TRPM5: variants seen among roughly 807,000 people sequenced by gnomAD.
TRPM5 encodes transient receptor potential cation channel subfamily M member 5, also known as MLSN1 and TRP-related.
In TRPM5, 121 loss-of-function variants were observed where a neutral mutation model predicts 124.9. The ratio of observed to expected loss-of-function variants is 0.97; its 90% CI spans 0.84 to 1.13. The LOEUF (loss-of-function observed/expected upper bound fraction) is 1.13, where lower values mean the gene tolerates loss of function less well. TRPM5 is among the 50% of genes most tolerant of loss of function. The pLI is 0.00. For missense variants in TRPM5, 1,643 were observed against 1,589.1 expected, an observed-to-expected ratio of 1.03 and a Z score of -0.58; for synonymous variants, 781 against 700.5, an observed-to-expected ratio of 1.11 and a Z score of -1.81.
the TRPM5 span, among the ~76,000 whole-genome samples, chr11:2,438,087 A>G: frequency 6.6e-6 from 1 of 152,228 alleles, no homozygotes; most frequent in African/African-American, 2.4e-5. This position sits in a 1 kb window ranked among gnomAD's most constrained non-coding sequence, Gnocchi z 5.9. Context: ...AAAAAACCAT[A>G]TGGTCCTCTC....
exon 15 of TRPM5, chr11:2,412,777 G>C: frequency 1.2e-6 from 2 of 1,605,534 alleles, no homozygotes; most frequent in Non-Finnish European, 1.7e-6. Flanking sequence ...TCCAGCACCA[G>C]CGTAAAGACC....
the TRPM5 span, among the ~76,000 whole-genome samples, chr11:2,432,631 C>G: frequency 1.3e-3 from 201 of 152,378 alleles, no homozygotes; most frequent in African/African-American, 4.7e-3. Flanking sequence ...AGCCTCCCCC[C>G]AGGCACATCC....
chr11:2,409,320 G>T (rs890622817), intron 18 of TRPM5, among the ~76,000 whole-genome samples: 1 of 152,144 alleles, frequency 6.6e-6, no homozygotes, highest in Admixed American at 6.5e-5. Flanking sequence ...GCGGGCCGGG[G>T]CCAGCCTGGA....
intron 11 of TRPM5, 126 bp downstream of exon 16, chr11:2,414,589 C>T (rs1850525685): frequency 8.2e-6 from 11 of 1,338,310 alleles, no homozygotes; most frequent in Non-Finnish European, 1.1e-5. Context: ...TGGAGGAGGC[C>T]CCTGAGGGCA....
In TRPM5 at chr11:2,415,294, G is replaced by C. The variant is rs1171145622; in HGVS notation, c.1306C>G (p.Gln436Glu). ...GCCAGCGTCAGCCGGGCCTCCTCCT[G>C]CTTCCGCTGCAGCAGGTCGAAGAGC... The change falls in exon 9 of 24, where the codon CAG becomes GAG. Residue 436 changes from glutamine (Q) to glutamate (E), a missense_variant. Gln to Glu is a conservative substitution (Grantham distance 29). Coordinates refer to ENST00000155858, the Ensembl canonical transcript of TRPM5. The C allele has an allele frequency of 7.0e-5, 111 of 1,578,724 alleles. No individual in the cohort carries two copies. The highest frequency in any genetic ancestry group is 8.4e-5 in the Non-Finnish European group (98 of 1,168,770).
chr11:2,414,007 TCGCC>T, intron 12 of TRPM5, 50 bp downstream of exon 17: 5 of 1,072,578 alleles, frequency 4.7e-6, no homozygotes, highest in Non-Finnish European at 6.9e-6. Flanking sequence ...TGGGCCCAGC[TCGCC>T]CGCCCACCCC....
upstream of TRPM5, among the ~76,000 whole-genome samples, chr11:2,424,332 C>G (rs1035977835): frequency 3.9e-5 from 6 of 152,212 alleles, no homozygotes; most frequent in Admixed American, 1.3e-4. Context: ...CTGGGGCTGG[C>G]TTTGGGGCAG....
At chr11:2,436,855 A>C in the TRPM5 span, among the ~76,000 whole-genome samples, 16 of 152,356 alleles carry the variant, frequency 1.1e-4, no homozygotes, top group Non-Finnish European at 2.4e-4. Context: ...GTCTGCAGTG[A>C]CATCAGATGA....
At chr11:2,422,180 C>T (rs1227440453) in exon 2 of TRPM5, 11 of 1,611,974 alleles carry the variant, frequency 6.8e-6, no homozygotes, top group Non-Finnish European at 9.3e-6. Context: ...TTGCGCAGCA[C>T]ATCCCGCAGC....
chr11:2,443,823 A>ACC, the TRPM5 span, among the ~76,000 whole-genome samples: 47 of 99,346 alleles, frequency 4.7e-4, no homozygotes, highest in African/African-American at 1.0e-3. This position sits in a 1 kb window ranked among gnomAD's most constrained non-coding sequence, Gnocchi z 5.0. Context: ...GCTGCCCCCC[A>ACC]CCCCCCCCCC....
At position 2,417,711 on chromosome 11, in the gene TRPM5, C is replaced by T; in HGVS notation, c.1009+16G>A. 2 of 1,414,252 alleles carry T rather than the reference C, an allele frequency of 1.4e-6. No individual in the cohort carries two copies. Among genetic ancestry groups the T allele is most frequent in the Non-Finnish European group, 2.0e-6 (2 of 1,019,984 alleles). The allele number at this position is 1,414,252 out of a possible 1,614,324, so 87.6% of individuals were successfully genotyped here. A position where few individuals can be genotyped will look rare whatever the true frequency, so the allele number is the denominator to read the frequency against. On this transcript the variant is annotated intron_variant, in intron 7 of 23. Coordinates refer to ENST00000155858, the Ensembl canonical transcript of TRPM5. ...CCCCCAATGGCGCCTGCCTTGCCCA[C>T]CCTGCCCGCCCTCACCTTTCACCAG...
intron 20 of TRPM5, 134 bp from the exon 26 acceptor site, chr11:2,406,927 T>C: frequency 7.1e-7 from 1 of 1,408,324 alleles, no homozygotes; most frequent in Non-Finnish European, 9.5e-7. Flanking sequence ...AGGGCAAGCA[T>C]GGCCCTGTGC....
chr11:2,413,471 C>T lies in TRPM5; in HGVS notation c.2003+5G>A, dbSNP rs756439222. 6.2e-7 allele frequency: 1 copy of T among 1,604,264 alleles called. No homozygotes were observed. The highest frequency in any genetic ancestry group is 1.3e-5 in the African/African-American group (1 of 74,634). On this transcript the variant is annotated splice_donor_5th_base_variant and intron_variant, in intron 13 of 23. Coordinates refer to ENST00000155858, the Ensembl canonical transcript of TRPM5. ...CTGGCCGGGCAGCTCACAGGCCTCA[C>T]CCACCTGAAGGTGATGAGGTTGGTA...
At chr11:2,428,930 ATGG>A in the TRPM5 span, among the ~76,000 whole-genome samples, 22,629 of 119,398 alleles carry the variant, frequency 0.19, 1,891 homozygotes, top group South Asian at 0.34. This position sits in a 1 kb window ranked among gnomAD's most constrained non-coding sequence, Gnocchi z 4.0. Context: ...GGTGATGGTG[ATGG>A]TGGTGGTAAT....
Position 2,414,851 on chromosome 11 carries a change from G to A in TRPM5, c.1621-13C>T, listed in dbSNP as rs1448356936. ...CACCTTCCTGGCCCTACGAGACCTGGTCTCAGGAGGCCGCCCCTCCCCTGC... is the reference window on the plus strand; with the variant it reads ...CACCTTCCTGGCCCTACGAGACCTGATCTCAGGAGGCCGCCCCTCCCCTGC... On this transcript the variant is annotated splice_polypyrimidine_tract_variant and intron_variant, in intron 10 of 23. Transcript: ENST00000155858. 2 of 1,590,082 alleles carry A rather than the reference G, an allele frequency of 1.3e-6. No homozygotes were observed. Among genetic ancestry groups the A allele is most frequent in the African/African-American group, 2.7e-5 (2 of 74,390 alleles).
chr11:2,415,606 C>G, intron 8 of TRPM5, 135 bp from the exon 14 acceptor site: 1 of 676,808 alleles, frequency 1.5e-6, no homozygotes, highest in Non-Finnish European at 2.5e-6. Context: ...CCCTCTCGCT[C>G]TCCTGCACCC....
At chr11:2,435,693 C>T in the TRPM5 span, among the ~76,000 whole-genome samples, 8 of 152,018 alleles carry the variant, frequency 5.3e-5, no homozygotes, top group Non-Finnish European at 1.2e-4. The surrounding 1 kb of genome is among the most constrained non-coding windows in gnomAD (Gnocchi z 4.1). Flanking sequence ...GTCCATCTGT[C>T]CATCTATCCA....
At chr11:2,414,009 G>GGGGGGGAGCCCCCACCCA in intron 12 of TRPM5, 52 bp downstream of exon 17, 1 of 1,023,734 alleles carries the variant, frequency 9.8e-7, no homozygotes, top group Non-Finnish European at 1.4e-6. Flanking sequence ...GGCCCAGCTC[G>GGGGGGGAGCCCCCACCCA]CCCGCCCACC....
the TRPM5 span, among the ~76,000 whole-genome samples, chr11:2,438,855 A>T: frequency 6.6e-6 from 1 of 152,202 alleles, no homozygotes; most frequent in Admixed American, 6.5e-5. This position sits in a 1 kb window ranked among gnomAD's most constrained non-coding sequence, Gnocchi z 5.9. Flanking sequence ...ACCAAAAAAG[A>T]GCCAGAATAG....
Sources: allele counts gnomAD v4.1 joint callset (sites outside exome capture counted in the v4.1 genomes callset), GRCh38; gene constraint gnomAD v4.1.1; non-coding constraint Gnocchi (gnomAD v3.1); transcripts MANE v1.5; gene names NCBI Gene and HGNC (gene_info 2026-07-23, HGNC 2026-07-21).